The following COL5A2 variants were observed in gnomAD, a reference collection of about 807,000 sequenced individuals.
COL5A2 encodes collagen alpha-2(V) chain.
Under a neutral mutation model 208.2 loss-of-function variants are expected in COL5A2, and 23 were observed. That is an observed-to-expected ratio of 0.11 (90% CI 0.08 to 0.16). COL5A2 has a LOEUF of 0.16. Ranked by LOEUF, COL5A2 falls within the 10% of genes least tolerant of loss-of-function variation. The probability of loss-of-function intolerance (pLI) is 1.00; values close to 1 mark genes in which losing one functional copy is unlikely to be tolerated. For missense variants in COL5A2, 1,590 were observed against 1,956.4 expected (o/e 0.81, Z 3.53); for synonymous variants, 625 against 628.5 (o/e 0.99, Z 0.08).
chr2:189,411,601 C>T, the COL5A2 span, among the ~76,000 whole-genome samples: 1 of 152,062 alleles, frequency 6.6e-6, no homozygotes, highest in Non-Finnish European at 1.5e-5. Context: ...ATCAATATAG[C>T]ATTTTAATAT....
chr2:189,162,980 T>C (rs894317830), intron 1 of COL5A2, among the ~76,000 whole-genome samples: 3 of 152,104 alleles, frequency 2.0e-5, no homozygotes, highest in Admixed American at 6.5e-5. Flanking sequence ...TAAATATTCA[T>C]AGTAAACACT....
the COL5A2 span, among the ~76,000 whole-genome samples, chr2:189,435,511 G>C: frequency 6.6e-6 from 1 of 152,050 alleles, no homozygotes; most frequent in African/African-American, 2.4e-5. Context: ...CAAAAAGTGG[G>C]CAAAGGATAT....
In COL5A2 at chr2:189,045,136, A is replaced by T. The variant is rs767578946; in HGVS notation, c.3363+43T>A. ...TTATACTTCTTTGGGAGTATATTTTATATAAGAAAACATTTTTTAAAAAAC... is the reference window on the plus strand; with the variant it reads ...TTATACTTCTTTGGGAGTATATTTTTTATAAGAAAACATTTTTTAAAAAAC... On this transcript the variant is annotated intron_variant, in intron 47 of 53. Transcript: ENST00000374866. 5.7e-6 allele frequency: 8 copies of T among 1,413,826 alleles called. No individual in the cohort carries two copies. In the African/African-American group the frequency reaches 1.2e-4, roughly 21 times the overall value. 87.6% of individuals were successfully genotyped at this position (1,413,826 alleles called of 1,614,324 possible). A position where few individuals can be genotyped will look rare whatever the true frequency, so the allele number is the denominator to read the frequency against.
the COL5A2 span, among the ~76,000 whole-genome samples, chr2:189,389,580 TA>T: frequency 6.6e-6 from 1 of 152,190 alleles, no homozygotes; most frequent in African/African-American, 2.4e-5. Flanking sequence ...AATCACTCCA[TA>T]AATTTTAGAT....
chr2:189,131,529 CA>C (rs2105754308), intron 1 of COL5A2, among the ~76,000 whole-genome samples: 1 of 152,110 alleles, frequency 6.6e-6, no homozygotes, highest in East Asian at 1.9e-4. Context: ...TGTTATTGGA[CA>C]AAAAATTTAG....
At chr2:189,174,841 GAA>G (rs1394248656) in intron 1 of COL5A2, among the ~76,000 whole-genome samples, 1 of 152,136 alleles carries the variant, frequency 6.6e-6, no homozygotes, top group Non-Finnish European at 1.5e-5. Flanking sequence ...TACATATGTA[GAA>G]AGAGATATAC....
chr2:189,077,121 T>C (rs562695494), intron 16 of COL5A2, among the ~76,000 whole-genome samples: 10 of 152,248 alleles, frequency 6.6e-5, no homozygotes, highest in Admixed American at 1.3e-4. Context: ...TAAAGTCACT[T>C]GGCCTAGAGA....
chr2:189,297,863 CATA>C, the COL5A2 span, among the ~76,000 whole-genome samples: 1 of 152,162 alleles, frequency 6.6e-6, no homozygotes, highest in Non-Finnish European at 1.5e-5. Context: ...GGAATTCAAA[CATA>C]ATATCATTTA....
At chr2:189,398,450 G>A in the COL5A2 span, among the ~76,000 whole-genome samples, 1 of 151,950 alleles carries the variant, frequency 6.6e-6, no homozygotes, top group Non-Finnish European at 1.5e-5. Flanking sequence ...TATTCCATTT[G>A]ATACATATAA....
chr2:189,229,130 C>G (rs546780652), upstream of COL5A2, among the ~76,000 whole-genome samples: 1 of 151,540 alleles, frequency 6.6e-6, no homozygotes, highest in Non-Finnish European at 1.5e-5. Context: ...AAAGACTCCA[C>G]GAACTAGGAA....
intron 12 of COL5A2, 114 bp downstream of exon 12, chr2:189,083,870 A>G: frequency 1.2e-6 from 1 of 809,360 alleles, no homozygotes; most frequent in Admixed American, 1.9e-5. Flanking sequence ...GAAACAAACA[A>G]TGCTGTTTGT....
At chr2:189,433,649 G>T in the COL5A2 span, among the ~76,000 whole-genome samples, 2 of 152,256 alleles carry the variant, frequency 1.3e-5, no homozygotes, top group African/African-American at 4.8e-5. Flanking sequence ...TTGAATCTCT[G>T]AATAGACCAA....
chr2:189,147,234 T>C (rs762928215), intron 1 of COL5A2, among the ~76,000 whole-genome samples: 1 of 152,168 alleles, frequency 6.6e-6, no homozygotes, highest in Non-Finnish European at 1.5e-5. Context: ...CACAGATAAA[T>C]ACCTAAGATG....
chr2:189,210,923 C>T (rs1689204699), intron 1 of COL5A2, among the ~76,000 whole-genome samples: 1 of 152,128 alleles, frequency 6.6e-6, no homozygotes, highest in Non-Finnish European at 1.5e-5. Flanking sequence ...CACTTCCTGG[C>T]CAATGACTGC....
chr2:189,315,993 T>A, the COL5A2 span, among the ~76,000 whole-genome samples: 1 of 152,134 alleles, frequency 6.6e-6, no homozygotes, highest in Admixed American at 6.5e-5. Flanking sequence ...GAAAAAGGAA[T>A]GCTTATACAC....
At chr2:189,425,089 T>A in the COL5A2 span, among the ~76,000 whole-genome samples, 7 of 152,128 alleles carry the variant, frequency 4.6e-5, no homozygotes, top group African/African-American at 1.7e-4. Context: ...AAAATGGACA[T>A]CCTCATGCAA....
At chr2:189,107,927 T>C (rs1486251732) in intron 2 of COL5A2, among the ~76,000 whole-genome samples, 3 of 151,826 alleles carry the variant, frequency 2.0e-5, no homozygotes, top group African/African-American at 7.2e-5. Flanking sequence ...CAGGTTTTCT[T>C]CTAGCATTCC....
chr2:189,425,552 G>A, the COL5A2 span, among the ~76,000 whole-genome samples: 20 of 152,144 alleles, frequency 1.3e-4, no homozygotes, highest in Middle Eastern at 6.8e-3. Context: ...AATACAACAC[G>A]GATAAACCTA....
At chr2:189,283,248 G>A in the COL5A2 span, among the ~76,000 whole-genome samples, 1 of 151,750 alleles carries the variant, frequency 6.6e-6, no homozygotes. Flanking sequence ...AGAAAAAAGG[G>A]AAGAAGGAGA....
Sources: allele counts gnomAD v4.1 joint callset (sites outside exome capture counted in the v4.1 genomes callset), GRCh38; gene constraint gnomAD v4.1.1; transcripts MANE v1.5; gene names NCBI Gene and HGNC (gene_info 2026-07-23, HGNC 2026-07-21).